The following NRXN1 variants were observed in gnomAD, a reference collection of about 807,000 sequenced individuals.
NRXN1 encodes the protein neurexin 1.
NRXN1 carries 39 observed loss-of-function variants against 150.9 expected under a neutral mutation model. That is an observed-to-expected ratio of 0.26 (90% CI 0.20 to 0.34). The LOEUF is 0.34. Among genes scored for constraint, NRXN1 ranks in the 10% least tolerant of loss-of-function variants. The pLI, the probability that NRXN1 is intolerant of heterozygous loss-of-function variation, is 1.00. For missense variants in NRXN1, 1,815 were observed against 1,949.9 expected, an observed-to-expected ratio of 0.93 and a Z score of 1.30; for synonymous variants, 924 against 757.0, an observed-to-expected ratio of 1.22 and a Z score of -3.62.
At chr2:50,247,940 A>C in intron 17 of NRXN1, among the ~76,000 whole-genome samples, 1 of 152,142 alleles carries the variant, frequency 6.6e-6, no homozygotes, top group East Asian at 1.9e-4. Context: ...ATTTTTTATA[A>C]CTTTTTTGTA....
At chr2:50,187,211 A>T (rs2061135360) in intron 18 of NRXN1, among the ~76,000 whole-genome samples, 1 of 152,104 alleles carries the variant, frequency 6.6e-6, no homozygotes. Flanking sequence ...CATGAATATT[A>T]CACATCCTGA....
At chr2:50,519,340 T>C (rs72835349) in intron 12 of NRXN1, among the ~76,000 whole-genome samples, 5,279 of 152,060 alleles carry the variant, frequency 0.035, 192 homozygotes, top group Non-Finnish European at 0.046. Context: ...GTCAGTGGCT[T>C]GAATTCTATG....
chr2:50,510,994 G>A (rs906570643), intron 12 of NRXN1, among the ~76,000 whole-genome samples: 7 of 151,792 alleles, frequency 4.6e-5, no homozygotes, highest in African/African-American at 1.2e-4. Flanking sequence ...ATTAGATGAC[G>A]TCCCCATTGT....
At chr2:50,431,151 T>A (rs2084932563) in intron 17 of NRXN1, among the ~76,000 whole-genome samples, 1 of 152,192 alleles carries the variant, frequency 6.6e-6, no homozygotes, top group African/African-American at 2.4e-5. Flanking sequence ...ATTATCTCTG[T>A]CTTCTTTTTG....
At chr2:50,716,960 A>G (rs1695942602) in intron 5 of NRXN1, among the ~76,000 whole-genome samples, 1 of 152,116 alleles carries the variant, frequency 6.6e-6, no homozygotes, top group Non-Finnish European at 1.5e-5. Flanking sequence ...ATACTTATTT[A>G]TTGGCTATTA....
intron 8 of NRXN1, among the ~76,000 whole-genome samples, chr2:50,587,774 T>G (rs1283907108): frequency 6.6e-6 from 1 of 152,112 alleles, no homozygotes; most frequent in Admixed American, 6.6e-5. Context: ...ATGTCTCAAT[T>G]ATGAAAGTGA....
intron 5 of NRXN1, among the ~76,000 whole-genome samples, chr2:50,769,467 A>C (rs898922572): frequency 1.3e-5 from 2 of 152,156 alleles, no homozygotes; most frequent in African/African-American, 4.8e-5. Context: ...AAACTCAGTC[A>C]AAAACAATTC....
chr2:50,431,214 A>G (rs1289343585), intron 17 of NRXN1, among the ~76,000 whole-genome samples: 1 of 152,004 alleles, frequency 6.6e-6, no homozygotes, highest in Non-Finnish European at 1.5e-5. Flanking sequence ...TAAGCCAGCA[A>G]TTTTTCCCAG....
intron 18 of NRXN1, among the ~76,000 whole-genome samples, chr2:50,223,038 T>C (rs1341212534): frequency 6.6e-6 from 1 of 151,892 alleles, no homozygotes; most frequent in Admixed American, 6.6e-5. Context: ...GAAAAGTAAA[T>C]ACTTTCATCC....
chr2:50,640,174 C>T (rs1367050185), intron 5 of NRXN1, among the ~76,000 whole-genome samples: 1 of 152,080 alleles, frequency 6.6e-6, no homozygotes, highest in East Asian at 1.9e-4. Context: ...CCTCAATGTT[C>T]TCTTTTAATT....
chr2:50,998,669 G>C (rs532158464), intron 2 of NRXN1, among the ~76,000 whole-genome samples: 17 of 152,022 alleles, frequency 1.1e-4, no homozygotes, highest in African/African-American at 4.1e-4. Flanking sequence ...ATTAATGTTA[G>C]GATTAGAATA....
intron 5 of NRXN1, among the ~76,000 whole-genome samples, chr2:50,691,194 T>C (rs375500270): frequency 5.9e-5 from 9 of 152,134 alleles, no homozygotes; most frequent in South Asian, 4.1e-4. Flanking sequence ...TAAGTGATGA[T>C]TAGAAGTAAA....
intron 18 of NRXN1, among the ~76,000 whole-genome samples, chr2:50,133,257 G>T (rs1457766926): frequency 2.7e-5 from 3 of 109,608 alleles, no homozygotes; most frequent in Non-Finnish European, 5.8e-5. Flanking sequence ...GAGGCAGAGT[G>T]CTGGGTAAGG....
chr2:50,339,114 A>G (rs1049016726), intron 17 of NRXN1, among the ~76,000 whole-genome samples: 5 of 152,184 alleles, frequency 3.3e-5, no homozygotes, highest in African/African-American at 4.8e-5. Flanking sequence ...CAAAAAAACC[A>G]TGATTATCAT....
intron 2 of NRXN1, among the ~76,000 whole-genome samples, chr2:50,959,992 T>A: frequency 6.6e-6 from 1 of 151,996 alleles, no homozygotes. Context: ...CATTTTCTTA[T>A]ACACAAAAAT....
chr2:50,422,398 C>T (rs2084071257), intron 17 of NRXN1, among the ~76,000 whole-genome samples: 1 of 151,876 alleles, frequency 6.6e-6, no homozygotes, highest in South Asian at 2.1e-4. Flanking sequence ...AGAAAGACAA[C>T]CATGAAAATA....
intron 17 of NRXN1, among the ~76,000 whole-genome samples, chr2:50,336,438 A>G (rs1289828056): frequency 1.3e-5 from 2 of 152,240 alleles, no homozygotes; most frequent in Admixed American, 1.3e-4. Context: ...CTTCATAATT[A>G]AGAGACCATA....
At chr2:50,492,312 A>G (rs946203907) in intron 15 of NRXN1, among the ~76,000 whole-genome samples, 3 of 152,040 alleles carry the variant, frequency 2.0e-5, no homozygotes, top group Admixed American at 2.0e-4. Context: ...GAGACACACA[A>G]CCCCCTGAGA....
In NRXN1 at chr2:50,350,820, T is replaced by C. The variant is rs565344478; in HGVS notation, c.3365-113850A>G. 5.3e-5 allele frequency among the ~76,000 whole-genome samples: 8 copies of C among 152,270 alleles called. No homozygotes were observed. In the East Asian group the frequency reaches 1.5e-3, roughly 29 times the overall value. ...AAGGATGGGCCAGAAATCTTAGTTT[T>C]ACAGGAGTCTCAAGAGCTAAAGAGA... is the stretch of plus-strand genomic sequence containing the variant. On this transcript the variant is annotated intron_variant, in intron 17 of 22. Coordinates refer to ENST00000401669, the MANE Select transcript of NRXN1 (RefSeq NM_001330078.2).
Sources: gnomAD v4.1 joint callset for allele counts (sites outside exome capture counted in the v4.1 genomes callset) on GRCh38, gnomAD v4.1.1 for gene constraint, MANE v1.5 for transcripts, NCBI Gene and HGNC (gene_info 2026-07-23, HGNC 2026-07-21) for gene names.